LAMA2: variants seen among roughly 807,000 people sequenced by gnomAD.
LAMA2 encodes laminin subunit alpha-2.
In LAMA2, 269 loss-of-function variants were observed where a neutral mutation model predicts 364.8. The observed-to-expected ratio is 0.74, with a 90% CI of 0.67 to 0.82. The LOEUF is 0.82. Ranked by LOEUF, LAMA2 falls within the 40% of genes least tolerant of loss-of-function variation. The pLI is 0.00. For synonymous variants in LAMA2, 1,379 were observed against 1,370.6 expected (o/e 1.01, Z -0.14); for missense variants, 3,807 against 3,873.2 (o/e 0.98, Z 0.45).
intron 8 of LAMA2, 29 bp from the exon 9 acceptor site, chr6:129,165,547 C>T (rs759871578): frequency 2.6e-5 from 38 of 1,463,874 alleles, no homozygotes; most frequent in African/African-American, 1.2e-4. Context: ...TATTACACTT[C>T]GTTAAATTCA....
chr6:129,370,732 T>C (rs1400944317), intron 34 of LAMA2, among the ~76,000 whole-genome samples: 1 of 152,212 alleles, frequency 6.6e-6, no homozygotes, highest in Non-Finnish European at 1.5e-5. Flanking sequence ...GTCCACTTTG[T>C]ATTTTAAAGA....
chr6:128,973,891 T>G lies in LAMA2; in HGVS notation c.113-76027T>G, dbSNP rs186738640. Among the ~76,000 whole-genome samples the G allele has an allele frequency of 4.4e-3, 675 of 152,288 alleles. 10 individuals carry two copies. The highest frequency in any genetic ancestry group is 5.6e-3 in the Non-Finnish European group (380 of 68,014). On this transcript the variant is annotated intron_variant, in intron 1 of 64. Transcript: ENST00000421865. ...GGGAGTGGATGGAGTTCGTGCTTTG[T>G]GGGGACAATGCTGTGGGACCTCTAT...
chr6:128,966,306 AT>A (rs948382059), intron 1 of LAMA2, among the ~76,000 whole-genome samples: 27 of 152,158 alleles, frequency 1.8e-4, no homozygotes, highest in African/African-American at 6.5e-4. Context: ...TCATGTTTGT[AT>A]AAATGTAGAG....
intron 8 of LAMA2, chr6:129,158,524 T>A: frequency 6.2e-7 from 1 of 1,614,148 alleles, no homozygotes; most frequent in Non-Finnish European, 8.5e-7. Flanking sequence ...CCAACTGGAA[T>A]AAATGCTTCA....
At chr6:129,052,167 G>A (rs1345807657) in intron 2 of LAMA2, among the ~76,000 whole-genome samples, 2 of 130,964 alleles carry the variant, frequency 1.5e-5, no homozygotes, top group African/African-American at 2.9e-5. Flanking sequence ...GCAGAGTTTC[G>A]CTCTGTCGCC....
At chr6:129,306,158 ACT>A (rs1359337626) in intron 22 of LAMA2, among the ~76,000 whole-genome samples, 2 of 151,290 alleles carry the variant, frequency 1.3e-5, no homozygotes, top group Non-Finnish European at 3.0e-5. Context: ...TTCTCCTATA[ACT>A]CTTTTTCCTT....
chr6:128,885,267 A>C (rs1359722835), intron 1 of LAMA2, among the ~76,000 whole-genome samples: 5 of 152,228 alleles, frequency 3.3e-5, no homozygotes, highest in African/African-American at 1.2e-4. Flanking sequence ...AGTATGTAAA[A>C]TTCATGAAAC....
chr6:129,128,280 G>A (rs982607354), intron 4 of LAMA2, among the ~76,000 whole-genome samples: 4 of 152,110 alleles, frequency 2.6e-5, no homozygotes, highest in Non-Finnish European at 5.9e-5. Context: ...TGTATTCTTA[G>A]CATCTTTGTC....
At chr6:129,480,515 GGGA>G (rs1784293542) in intron 54 of LAMA2, among the ~76,000 whole-genome samples, 1 of 152,070 alleles carries the variant, frequency 6.6e-6, no homozygotes, top group Non-Finnish European at 1.5e-5. Context: ...TTTAAATACA[GGGA>G]GGAGGAGAGA....
chr6:129,188,485 G>A (rs1781356485), intron 10 of LAMA2, among the ~76,000 whole-genome samples: 1 of 151,848 alleles, frequency 6.6e-6, no homozygotes, highest in Non-Finnish European at 1.5e-5. Context: ...CAGAACAGCT[G>A]TACTGTGTCC....
chr6:129,462,483 G>A (rs1783306338), intron 49 of LAMA2, among the ~76,000 whole-genome samples: 2 of 151,898 alleles, frequency 1.3e-5, no homozygotes, highest in South Asian at 2.1e-4. Flanking sequence ...GGCAGTGTCA[G>A]CCCTTTCTTA....
chr6:129,387,974 T>C (rs1175885967), intron 35 of LAMA2, among the ~76,000 whole-genome samples: 1 of 152,038 alleles, frequency 6.6e-6, no homozygotes, highest in Non-Finnish European at 1.5e-5. Flanking sequence ...ACCTAGATGA[T>C]GGGCTGGGCG....
At chr6:129,411,413 G>A (rs979197790) in intron 40 of LAMA2, among the ~76,000 whole-genome samples, 7 of 152,340 alleles carry the variant, frequency 4.6e-5, no homozygotes, top group Admixed American at 2.6e-4. Context: ...GTAAAGAACT[G>A]TGCTGTGTAA....
intron 1 of LAMA2, among the ~76,000 whole-genome samples, chr6:128,967,487 T>A (rs1164062441): frequency 6.6e-6 from 1 of 152,180 alleles, no homozygotes; most frequent in African/African-American, 2.4e-5. Flanking sequence ...CTTGGAAACA[T>A]ACTCCTGACC....
At chr6:129,501,108 G>T (rs893994367) in intron 58 of LAMA2, among the ~76,000 whole-genome samples, 1 of 152,184 alleles carries the variant, frequency 6.6e-6, no homozygotes, top group African/African-American at 2.4e-5. Context: ...AGCTGCGTGT[G>T]TTTATCGAGA....
At chr6:128,961,347 ATATATATATATATATATATATTAGTTT>A (rs1401276826) in intron 1 of LAMA2, among the ~76,000 whole-genome samples, 3 of 61,174 alleles carry the variant, frequency 4.9e-5, no homozygotes, top group Non-Finnish European at 6.3e-5. Context: ...ATATATATAT[ATATATATATATATATATATATTAGTTT>A]ATTAAGTATT....
intron 1 of LAMA2, among the ~76,000 whole-genome samples, chr6:129,047,089 G>A (rs144839646): frequency 6.6e-6 from 1 of 152,236 alleles, no homozygotes; most frequent in African/African-American, 2.4e-5. Context: ...GTCTAAGATA[G>A]ATAATGGCGT....
chr6:129,291,658 A>G lies in LAMA2; in HGVS notation c.2794A>G (p.Ser932Gly), dbSNP rs761539740. 6.2e-7 allele frequency: 1 copy of G among 1,614,080 alleles called. No homozygotes were observed. Among genetic ancestry groups the G allele is most frequent in the African/African-American group, 1.3e-5 (1 of 74,954 alleles). Residue 932 changes from serine to glycine, a missense_variant, in exon 20 of 65, where the codon AGT (serine) becomes GGT (glycine). Transcript: ENST00000421865. ...TGGCTCTTTCTCTGAGGTTTGCCAC[A>G]GTCAAACTGGACAGTGTGAGTGCAG... ...AGGSFSEVCH[S>G]QTGQCECRAN...
intron 8 of LAMA2, among the ~76,000 whole-genome samples, chr6:129,163,004 G>A (rs938231142): frequency 2.6e-5 from 4 of 152,104 alleles, no homozygotes; most frequent in East Asian, 1.9e-4. Context: ...ACTATGATGT[G>A]TCTATGTTTG....
Sources: gnomAD v4.1 joint callset for allele counts (sites outside exome capture counted in the v4.1 genomes callset) on GRCh38, gnomAD v4.1.1 for gene constraint, MANE v1.5 for transcripts, NCBI Gene and HGNC (gene_info 2026-07-23, HGNC 2026-07-21) for gene names.